The following LMCD1 variants were observed in gnomAD, a reference collection of about 807,000 sequenced individuals.
LMCD1 encodes LIM and cysteine rich domains 1.
Under a neutral mutation model 42.7 loss-of-function variants are expected in LMCD1, and 32 were observed. The ratio of observed to expected loss-of-function variants is 0.75; its 90% CI spans 0.57 to 1.01. LMCD1 has a LOEUF of 1.01. Among genes scored for constraint, LMCD1 ranks in the 50% least tolerant of loss-of-function variants. The probability of loss-of-function intolerance (pLI) is 0.00; values close to 1 mark genes in which losing one functional copy is unlikely to be tolerated. For missense variants in LMCD1, 458 were observed against 483.1 expected, an observed-to-expected ratio of 0.95 and a Z score of 0.49; for synonymous variants, 178 against 184.9, an observed-to-expected ratio of 0.96 and a Z score of 0.30.
At chr3:8,552,160 G>A (rs1337276555) in intron 4 of LMCD1, among the ~76,000 whole-genome samples, 1 of 152,202 alleles carries the variant, frequency 6.6e-6, no homozygotes, top group African/African-American at 2.4e-5. Context: ...CCAAGGACAG[G>A]ACTAAGCAAG....
At chr3:8,506,362 T>A (rs9882165) in intron 1 of LMCD1, among the ~76,000 whole-genome samples, 61,513 of 152,012 alleles carry the variant, frequency 0.4, 13,281 homozygotes, top group Non-Finnish European at 0.49. Flanking sequence ...CTCTTCATGC[T>A]AACTGACCAA....
chr3:8,552,524 G>C lies in LMCD1; in HGVS notation c.723+3621G>C, dbSNP rs529934361. ...CCTTCCAGAGCTTATCAGTAGGTGT[G>C]GGGTGGAGCCTTAGCATGTGCATTG... On this transcript the variant is annotated intron_variant, in intron 4 of 5. Coordinates refer to ENST00000157600, the MANE Select transcript of LMCD1 (RefSeq NM_014583.4). 6.1e-4 allele frequency among the ~76,000 whole-genome samples: 93 copies of C among 152,310 alleles called. 2 individuals are homozygous for C. In the South Asian group the frequency reaches 0.018, roughly 30 times the overall value.
chr3:8,528,581 A>G (rs1381230845), intron 1 of LMCD1, among the ~76,000 whole-genome samples: 1 of 152,202 alleles, frequency 6.6e-6, no homozygotes, highest in Non-Finnish European at 1.5e-5. Flanking sequence ...TGAGACAAAG[A>G]AAGGGCAGGG....
At chr3:8,549,135 C>T (rs888950572) in intron 4 of LMCD1, among the ~76,000 whole-genome samples, 3 of 152,240 alleles carry the variant, frequency 2.0e-5, no homozygotes, top group Non-Finnish European at 2.9e-5. Context: ...CAGGCAAAAC[C>T]GAAACAGTTT....
chr3:8,567,734 A>G lies in LMCD1; in HGVS notation c.*136A>G. The stretch of plus-strand genomic sequence containing the variant: ...ATGATTTGCTTTTCAGTGAGAATAT[A>G]TATATGAGATATATATAGATATATA... On this transcript the variant is annotated 3_prime_UTR_variant, in exon 6 of 6. Coordinates refer to ENST00000157600, the MANE Select transcript of LMCD1 (RefSeq NM_014583.4). The G allele has an allele frequency of 1.3e-6, 1 of 794,210 alleles. No individual in the cohort carries two copies. Among genetic ancestry groups the G allele is most frequent in the Non-Finnish European group, 2.0e-6 (1 of 509,532 alleles). 49.2% of individuals were successfully genotyped at this position (794,210 alleles called of 1,614,324 possible). A position where few individuals can be genotyped will look rare whatever the true frequency, so the allele number is the denominator to read the frequency against.
chr3:8,546,746 A>G (rs1022867221), intron 3 of LMCD1, among the ~76,000 whole-genome samples: 1 of 152,164 alleles, frequency 6.6e-6, no homozygotes, highest in African/African-American at 2.4e-5. Flanking sequence ...TTCCAGGGGC[A>G]GGGGGAGGTG....
chr3:8,537,343 A>T lies in LMCD1; in HGVS notation c.290A>T (p.Asn97Ile). Reference protein sequence around the residue: ...GGDGIRIYKRNRMIMTNPIAT... With the variant: ...GGDGIRIYKRIRMIMTNPIAT... ...GACGGCATCCGGATTTACAAGAGGA[A>T]CCGGATGATCATGACCAACCCTATT... Residue 97 changes from asparagine to isoleucine, a missense_variant, in exon 3 of 6, where the codon AAC becomes ATC. Physicochemically the swap from Asn to Ile is moderately radical, Grantham distance 149. Transcript: ENST00000157600. 1 of 1,614,178 alleles carries T rather than the reference A, an allele frequency of 6.2e-7. No individual in the cohort carries two copies. The highest frequency in any genetic ancestry group is 1.1e-5 in the South Asian group (1 of 91,082).
chr3:8,502,060 A>G, intron 1 of LMCD1, 80 bp downstream of exon 1: 5 of 1,356,560 alleles, frequency 3.7e-6, no homozygotes, highest in Non-Finnish European at 5.1e-6. Flanking sequence ...GAAACTTCCC[A>G]AAAGGTAATG....
chr3:8,556,774 C>T (rs575574273), intron 4 of LMCD1, among the ~76,000 whole-genome samples: 2 of 152,234 alleles, frequency 1.3e-5, no homozygotes, highest in Non-Finnish European at 2.9e-5. Context: ...ACAACCCACA[C>T]TGATGTTCTC....
chr3:8,537,144 C>T lies in LMCD1; in HGVS notation c.132-41C>T, dbSNP rs747061832. ...TAGCAGGAGAATGTGCCTCTTTTTC[C>T]TGGAGGTTAATCTCACTGGTCCCCA... On this transcript the variant is annotated intron_variant, in intron 2 of 5. Coordinates refer to ENST00000157600, the MANE Select transcript of LMCD1 (RefSeq NM_014583.4). 5 of 1,588,428 alleles carry T rather than the reference C, an allele frequency of 3.1e-6. No individual in the cohort carries two copies. In the African/African-American group the frequency reaches 5.4e-5, roughly 17 times the overall value.
At chr3:8,554,181 C>G (rs1420815913) in intron 4 of LMCD1, among the ~76,000 whole-genome samples, 1 of 152,174 alleles carries the variant, frequency 6.6e-6, no homozygotes, top group Non-Finnish European at 1.5e-5. Context: ...AGTAATAAAC[C>G]TCTTTAACTC....
intron 4 of LMCD1, among the ~76,000 whole-genome samples, chr3:8,554,971 A>G (rs1440376387): frequency 6.6e-6 from 1 of 152,020 alleles, no homozygotes; most frequent in Non-Finnish European, 1.5e-5. Flanking sequence ...CCCTTCCCCA[A>G]CCACTCCTTC....
Position 8,565,522 on chromosome 3 carries a change from T to A in LMCD1, c.814T>A (p.Cys272Ser), listed in dbSNP as rs1695117213. 5.0e-6 allele frequency: 8 copies of A among 1,614,186 alleles called. No individual in the cohort carries two copies. Among genetic ancestry groups the A allele is most frequent in the Non-Finnish European group, 6.8e-6 (8 of 1,180,032 alleles). Residue 272 changes from cysteine (C) to serine (S), a missense_variant, in exon 5 of 6, where the codon TGC (cysteine) becomes AGC (serine). Coordinates refer to ENST00000157600, the MANE Select transcript of LMCD1 (RefSeq NM_014583.4). ...AGYNKQWHPT[C>S]FVCAKCSEPL... ...CTACAACAAGCAGTGGCACCCCACC[T>A]GCTTTGTGTGTGCCAAGTGCTCCGA...
At chr3:8,531,898 C>A (rs1028973575) in intron 1 of LMCD1, among the ~76,000 whole-genome samples, 3 of 152,188 alleles carry the variant, frequency 2.0e-5, no homozygotes, top group Admixed American at 6.5e-5. Context: ...GTCCCCACCC[C>A]AACCCCAATG....
intron 4 of LMCD1, among the ~76,000 whole-genome samples, chr3:8,557,930 A>G (rs1694956135): frequency 6.6e-6 from 1 of 152,138 alleles, no homozygotes; most frequent in Non-Finnish European, 1.5e-5. Flanking sequence ...GGCTGGGAAG[A>G]CACACACAGC....
chr3:8,550,087 G>A (rs1369227843), intron 4 of LMCD1: 1 of 1,436,330 alleles, frequency 7.0e-7, no homozygotes, highest in African/African-American at 1.4e-5. Context: ...GCTGAGGAGT[G>A]AGTCACTGGG....
At chr3:8,550,508 T>C (rs911503151) in intron 4 of LMCD1, 24 of 984,810 alleles carry the variant, frequency 2.4e-5, no homozygotes, top group Non-Finnish European at 2.7e-5. Context: ...AAAACCTGCA[T>C]CCTCCATCTC....
intron 4 of LMCD1, 71 bp from the exon 5 acceptor site, chr3:8,565,361 T>C: frequency 7.3e-7 from 1 of 1,365,372 alleles, no homozygotes; most frequent in Non-Finnish European, 1.0e-6. Flanking sequence ...AGGCTGGAGC[T>C]GGAATTCGAA....
chr3:8,555,842 T>C (rs1471449279), intron 4 of LMCD1, among the ~76,000 whole-genome samples: 1 of 151,066 alleles, frequency 6.6e-6, no homozygotes, highest in African/African-American at 2.4e-5. Flanking sequence ...CCACATGGTC[T>C]CTGTCACGAC....
Sources: gnomAD v4.1 joint callset for allele counts (sites outside exome capture counted in the v4.1 genomes callset) on GRCh38, gnomAD v4.1.1 for gene constraint, MANE v1.5 for transcripts, NCBI Gene and HGNC (gene_info 2026-07-23, HGNC 2026-07-21) for gene names.